The following CLTC variants were observed in gnomAD, a reference collection of about 807,000 sequenced individuals.
CLTC encodes the protein clathrin heavy chain 1.
Under a neutral mutation model 195.8 loss-of-function variants are expected in CLTC, and 16 were observed. That is an observed-to-expected ratio of 0.08 (90% CI 0.06 to 0.12). CLTC has a LOEUF of 0.12. Among genes scored for constraint, CLTC ranks in the 10% least tolerant of loss-of-function variants. The pLI is 1.00. For synonymous variants in CLTC, 667 were observed against 689.4 expected (o/e 0.97, Z 0.51); for missense variants, 796 against 2,027.0 (o/e 0.39, Z 11.66).
At chr17:59,675,569 T>C (rs1403113377) in intron 16 of CLTC, among the ~76,000 whole-genome samples, 1 of 152,182 alleles carries the variant, frequency 6.6e-6, no homozygotes, top group Admixed American at 6.5e-5. Flanking sequence ...TATATTAGAA[T>C]GTTTCAAACA....
At position 59,648,474 on chromosome 17, in the gene CLTC, T is replaced by C; in HGVS notation, c.681+73T>C. On this transcript the variant is annotated intron_variant, in intron 4 of 31. Coordinates refer to ENST00000269122, the MANE Select transcript of CLTC (RefSeq NM_004859.4). This position sits in a 1 kb window ranked among gnomAD's most constrained non-coding sequence, Gnocchi z 4.5. ...TTTCTGCTATGAATTAGTCATCTAA[T>C]TTCAAAATAGCCTTCTCCCTTCCTA... The C allele has an allele frequency of 7.4e-7, 1 of 1,344,826 alleles. No individual in the cohort carries two copies. The highest frequency in any genetic ancestry group is 1.0e-6 in the Non-Finnish European group (1 of 977,558). 83.3% of individuals were successfully genotyped at this position (1,344,826 alleles called of 1,614,324 possible).
At chr17:59,670,235 A>C (rs900262919) in intron 14 of CLTC, among the ~76,000 whole-genome samples, 2 of 151,634 alleles carry the variant, frequency 1.3e-5, no homozygotes, top group African/African-American at 4.8e-5. Flanking sequence ...ACAACAACAA[A>C]AAAAACTACT....
intron 31 of CLTC, among the ~76,000 whole-genome samples, chr17:59,692,929 C>T (rs1157463764): frequency 6.6e-6 from 1 of 152,268 alleles, no homozygotes; most frequent in Middle Eastern, 3.4e-3. Flanking sequence ...TGAGCCACCG[C>T]GCCCGGCCCA....
chr17:59,676,083 G>A (rs2032959155), intron 16 of CLTC, among the ~76,000 whole-genome samples: 1 of 152,206 alleles, frequency 6.6e-6, no homozygotes, highest in Non-Finnish European at 1.5e-5. Context: ...GCTTGTGCCT[G>A]TAGTCCCAGC....
chr17:59,646,024 GT>G, intron 2 of CLTC: 1 of 808,902 alleles, frequency 1.2e-6, no homozygotes, highest in Non-Finnish European at 1.5e-6. Flanking sequence ...CAGATGGTGA[GT>G]TATCTTAAAT....
Position 59,690,650 on chromosome 17 carries a change from T to C in CLTC, c.4842T>C (p.Asp1614=), listed in dbSNP as rs750959641. Residue 1614 remains aspartate, a synonymous_variant, in exon 31 of 32, where the codon GAT becomes GAC. Transcript: ENST00000269122. The part of the protein sequence containing the change: ...KEYLTKVDKL[D]ASESLRKEEE... Reference sequence around the variant, plus strand: ...TTTTTCTCCAGGTGGATAAATTAGATGCTTCAGAATCACTGAGAAAAGAAG... The same window carrying C: ...TTTTTCTCCAGGTGGATAAATTAGACGCTTCAGAATCACTGAGAAAAGAAG... 3 of 1,612,460 alleles carry C rather than the reference T, an allele frequency of 1.9e-6. No homozygotes were observed. Among genetic ancestry groups the C allele is most frequent in the Non-Finnish European group, 1.7e-6 (2 of 1,179,156 alleles).
chr17:59,671,892 C>T (rs2032855881), intron 14 of CLTC, among the ~76,000 whole-genome samples: 1 of 152,070 alleles, frequency 6.6e-6, no homozygotes, highest in Non-Finnish European at 1.5e-5. Context: ...AAATAGAACC[C>T]ATTCCTACCC....
chr17:59,639,836 C>T (rs541791394), intron 1 of CLTC, among the ~76,000 whole-genome samples: 36 of 148,750 alleles, frequency 2.4e-4, no homozygotes, highest in African/African-American at 8.9e-4. Context: ...GGCATGGTGG[C>T]GCCTGTAGTC....
intron 7 of CLTC, among the ~76,000 whole-genome samples, 166 bp downstream of exon 7, chr17:59,660,754 G>C (rs1382778587): frequency 6.6e-6 from 1 of 152,084 alleles, no homozygotes; most frequent in African/African-American, 2.4e-5. Context: ...CTCTAGATTT[G>C]GTTAATTTTC....
At chr17:59,638,489 A>G (rs1021383706) in intron 1 of CLTC, among the ~76,000 whole-genome samples, 3 of 88,034 alleles carry the variant, frequency 3.4e-5, no homozygotes, top group Admixed American at 2.4e-4. Flanking sequence ...TCTCTAGATC[A>G]GTGGTCCACA....
At chr17:59,660,322 T>C (rs1412929790) in intron 6 of CLTC, 69 bp from the exon 7 acceptor site, 1 of 1,384,244 alleles carries the variant, frequency 7.2e-7, no homozygotes, top group African/African-American at 1.4e-5. Flanking sequence ...TAACCTGTTC[T>C]AAACAGATTT....
At chr17:59,647,733 G>A in intron 3 of CLTC, 67 bp downstream of exon 3, 1 of 1,408,928 alleles carries the variant, frequency 7.1e-7, no homozygotes, top group Non-Finnish European at 9.8e-7. Context: ...AATGCAGTTT[G>A]ATTTTGAAAT....
intron 1 of CLTC, among the ~76,000 whole-genome samples, chr17:59,622,926 G>A (rs2333554): frequency 0.77 from 117,389 of 152,116 alleles, 46,350 homozygotes; most frequent in East Asian, 0.93. Flanking sequence ...GTGAATATAT[G>A]AAGATTTCTC....
At chr17:59,658,010 C>T (rs2032515489) in intron 6 of CLTC, among the ~76,000 whole-genome samples, 1 of 151,762 alleles carries the variant, frequency 6.6e-6, no homozygotes, top group African/African-American at 2.4e-5. Context: ...ACCAGCCTGA[C>T]CAATATGGTG....
chr17:59,620,039 C>T lies in CLTC; in HGVS notation c.-93C>T. 1 of 1,152,416 alleles carries T rather than the reference C, an allele frequency of 8.7e-7. No individual in the cohort carries two copies. 71.4% of individuals were successfully genotyped at this position (1,152,416 alleles called of 1,614,324 possible). ...AGGATCCTGCTGAGCCCAGCCTCCC[C>T]CCTCCCCTTCTCCTCCTCTCCCTTG... On this transcript the variant is annotated 5_prime_UTR_variant, in exon 1 of 32. Coordinates refer to ENST00000269122, the MANE Select transcript of CLTC (RefSeq NM_004859.4).
intron 1 of CLTC, among the ~76,000 whole-genome samples, chr17:59,637,013 C>T (rs1481075656): frequency 6.7e-6 from 1 of 150,056 alleles, no homozygotes; most frequent in Non-Finnish European, 1.5e-5. Flanking sequence ...AACTCTTGAC[C>T]TCAGGTAATC....
chr17:59,635,882 CA>C (rs1399473029), intron 1 of CLTC, among the ~76,000 whole-genome samples: 2 of 152,210 alleles, frequency 1.3e-5, no homozygotes, highest in Non-Finnish European at 2.9e-5. Context: ...GAGTATATAA[CA>C]GTAGCATGAT....
chr17:59,659,367 G>A (rs946438961), intron 6 of CLTC, among the ~76,000 whole-genome samples: 1 of 151,894 alleles, frequency 6.6e-6, no homozygotes, highest in Non-Finnish European at 1.5e-5. Flanking sequence ...AGAGGTTTGA[G>A]GGTAGGTAAT....
intron 14 of CLTC, among the ~76,000 whole-genome samples, chr17:59,670,737 C>T (rs904570026): frequency 1.3e-5 from 2 of 152,100 alleles, no homozygotes; most frequent in African/African-American, 4.8e-5. Flanking sequence ...TAAAAAAAAT[C>T]CTCTAGTAAA....
Sources: gnomAD v4.1 joint callset for allele counts (sites outside exome capture counted in the v4.1 genomes callset) on GRCh38, gnomAD v4.1.1 for gene constraint, Gnocchi (gnomAD v3.1) non-coding constraint, MANE v1.5 for transcripts, NCBI Gene and HGNC (gene_info 2026-07-23, HGNC 2026-07-21) for gene names.